TTC6: variants seen among roughly 807,000 people sequenced by gnomAD.
TTC6 encodes the protein tetratricopeptide repeat protein 6.
Under a neutral mutation model 210.4 loss-of-function variants are expected in TTC6, and 172 were observed. That is an observed-to-expected ratio of 0.82 (90% CI 0.72 to 0.93). The LOEUF (loss-of-function observed/expected upper bound fraction) is 0.93. TTC6 is among the 40% of genes least tolerant of loss of function. The pLI, the probability that TTC6 is intolerant of heterozygous loss-of-function variation, is 0.00. For synonymous variants in TTC6, 804 were observed against 819.6 expected (o/e 0.98, Z 0.32); for missense variants, 2,414 against 2,318.1 (o/e 1.04, Z -0.85).
At chr14:37,606,367 G>A (rs528581295) in intron 1 of TTC6, among the ~76,000 whole-genome samples, 2 of 152,270 alleles carry the variant, frequency 1.3e-5, no homozygotes, top group South Asian at 4.1e-4. Flanking sequence ...ACCAATGGAG[G>A]ACAATGGTGC....
At chr14:37,824,866 G>A (rs2096166978) in intron 27 of TTC6, among the ~76,000 whole-genome samples, 1 of 152,108 alleles carries the variant, frequency 6.6e-6, no homozygotes, top group African/African-American at 2.4e-5. Context: ...CCAAGTGAAT[G>A]GAATGTTATG....
At chr14:37,632,558 C>A (rs192234369) in intron 1 of TTC6, among the ~76,000 whole-genome samples, 1 of 152,304 alleles carries the variant, frequency 6.6e-6, no homozygotes, top group African/African-American at 2.4e-5. Context: ...CTGTTTACCC[C>A]TGCTGGGAGG....
At chr14:37,680,778 G>C (rs543947748) in intron 2 of TTC6, among the ~76,000 whole-genome samples, 29 of 152,174 alleles carry the variant, frequency 1.9e-4, no homozygotes, top group South Asian at 4.2e-4. Context: ...ATCTCCTTGT[G>C]TATAGAAACT....
chr14:37,639,016 G>A (rs1410192030), intron 1 of TTC6, among the ~76,000 whole-genome samples: 4 of 152,090 alleles, frequency 2.6e-5, no homozygotes, highest in Middle Eastern at 3.4e-3. Flanking sequence ...GTACAAATAC[G>A]TTTTTCTTTG....
At chr14:37,606,025 A>G (rs537728066) in intron 1 of TTC6, among the ~76,000 whole-genome samples, 2 of 152,034 alleles carry the variant, frequency 1.3e-5, no homozygotes, top group Non-Finnish European at 2.9e-5. Context: ...CCAGGGGTCC[A>G]TTTCTGAACT....
intron 1 of TTC6, among the ~76,000 whole-genome samples, chr14:37,642,487 C>T (rs1008765197): frequency 1.3e-5 from 2 of 152,108 alleles, no homozygotes; most frequent in African/African-American, 4.8e-5. Context: ...CTTTATATGC[C>T]ATCTGTAACA....
intron 1 of TTC6, among the ~76,000 whole-genome samples, chr14:37,631,241 G>A (rs1168515160): frequency 1.3e-5 from 2 of 151,984 alleles, no homozygotes; most frequent in Non-Finnish European, 2.9e-5. Context: ...TTTTGCAGTG[G>A]CTGGTACTGG....
chr14:37,794,279 A>T (rs1050080279), intron 17 of TTC6, among the ~76,000 whole-genome samples: 1 of 152,228 alleles, frequency 6.6e-6, no homozygotes, highest in South Asian at 2.1e-4. Flanking sequence ...ACTAATCTCA[A>T]ACTTCCTCCT....
At chr14:37,637,192 T>C (rs980205774) in intron 1 of TTC6, among the ~76,000 whole-genome samples, 4 of 152,098 alleles carry the variant, frequency 2.6e-5, no homozygotes, top group African/African-American at 9.7e-5. Flanking sequence ...TCTCATGGAC[T>C]TAAATGTAAA....
rs73264927 is a variant in TTC6, at chr14:37,598,488, C to T, written c.-235+2480C>T. 5.9e-4 allele frequency among the ~76,000 whole-genome samples: 90 copies of T among 152,374 alleles called. 1 individual carries two copies. The highest frequency in any genetic ancestry group is 2.1e-3 in the African/African-American group (89 of 41,602). ...GCCCTTGCTACACCCGTGGGGCCTG[C>T]TCCCGGCGCAGTCCCGCAGTACCTG... On this transcript the variant is annotated intron_variant, in intron 1 of 2. Coordinates refer to the TTC6 transcript ENST00000556845. The surrounding 1 kb of genome is among the most constrained non-coding windows in gnomAD (Gnocchi z 4.9).
intron 14 of TTC6, among the ~76,000 whole-genome samples, chr14:37,784,163 T>A (rs1001906256): frequency 6.6e-6 from 1 of 152,220 alleles, no homozygotes; most frequent in Non-Finnish European, 1.5e-5. Flanking sequence ...GGTGCAGAGC[T>A]GAGTTCAATT....
intron 1 of TTC6, among the ~76,000 whole-genome samples, chr14:37,660,183 A>G (rs533759046): frequency 2.6e-5 from 4 of 151,832 alleles, no homozygotes; most frequent in African/African-American, 4.8e-5. Context: ...GGCCGTTCCT[A>G]TGTCTAGGAT....
intron 6 of TTC6, among the ~76,000 whole-genome samples, chr14:37,717,292 A>G (rs2095854326): frequency 6.6e-6 from 1 of 152,064 alleles, no homozygotes. Context: ...TGAAAAGATC[A>G]TTGAAATTAA....
At chr14:37,644,741 A>G (rs1274388806) in intron 1 of TTC6, among the ~76,000 whole-genome samples, 1 of 152,178 alleles carries the variant, frequency 6.6e-6, no homozygotes, top group Non-Finnish European at 1.5e-5. Flanking sequence ...GGCACTAAGT[A>G]TGGAAAGATT....
chr14:37,742,710 G>A (rs904460988), intron 10 of TTC6, among the ~76,000 whole-genome samples: 3 of 151,948 alleles, frequency 2.0e-5, no homozygotes, highest in Non-Finnish European at 2.9e-5. Context: ...GAACCACTGC[G>A]TCTGGCCATC....
intron 10 of TTC6, among the ~76,000 whole-genome samples, chr14:37,746,102 A>G (rs147224950): frequency 5.3e-5 from 8 of 152,082 alleles, no homozygotes; most frequent in Non-Finnish European, 8.8e-5. Context: ...TTCTGTCTCT[A>G]TTGCTTATTG....
At chr14:37,767,117 A>G (rs1255379750) in intron 14 of TTC6, among the ~76,000 whole-genome samples, 1 of 152,202 alleles carries the variant, frequency 6.6e-6, no homozygotes, top group African/African-American at 2.4e-5. Context: ...TGTCCCTACA[A>G]AGGACAAGAA....
At chr14:37,651,080 A>G (rs10145297) in intron 1 of TTC6, among the ~76,000 whole-genome samples, 8,205 of 152,200 alleles carry the variant, frequency 0.054, 739 homozygotes, top group African/African-American at 0.19. Context: ...AAGGCTAACT[A>G]TAAGGACTTC....
intron 15 of TTC6, among the ~76,000 whole-genome samples, chr14:37,789,618 T>TATATATATATATATATA (rs57518932): frequency 1.9e-5 from 2 of 106,080 alleles, no homozygotes; most frequent in African/African-American, 7.1e-5. Context: ...ATATATATAT[T>TATATATATATATATATA]GTATATACTC....
Sources: gnomAD v4.1 joint callset for allele counts (sites outside exome capture counted in the v4.1 genomes callset) on GRCh38, gnomAD v4.1.1 for gene constraint, Gnocchi (gnomAD v3.1) non-coding constraint, MANE v1.5 for transcripts, NCBI Gene and HGNC (gene_info 2026-07-23, HGNC 2026-07-21) for gene names.